Variants in STARD10 observed in about 807,000 individuals in gnomAD.
STARD10 encodes the protein StAR related lipid transfer domain containing 10, also known as START domain-containing protein 10.
A neutral mutation model predicts 36.0 loss-of-function variants in STARD10; 24 were observed. The ratio of observed to expected loss-of-function variants is 0.67; its 90% CI spans 0.48 to 0.94. The LOEUF (loss-of-function observed/expected upper bound fraction) is 0.94, where lower values mean the gene tolerates loss of function less well. Ranked by LOEUF, STARD10 falls within the 40% of genes least tolerant of loss-of-function variation. The pLI is 0.00. For missense variants in STARD10, 335 were observed against 396.6 expected, an observed-to-expected ratio of 0.84 and a Z score of 1.32; for synonymous variants, 156 against 161.9, an observed-to-expected ratio of 0.96 and a Z score of 0.28.
intron 3 of STARD10, among the ~76,000 whole-genome samples, 167 bp from the exon 4 acceptor site, chr11:72,758,800 G>A (rs748315433): frequency 4.6e-5 from 7 of 152,216 alleles, no homozygotes; most frequent in Non-Finnish European, 8.8e-5. Flanking sequence ...CCAGAAAAGA[G>A]ACAGGGCAAG....
At chr11:72,785,560 CAAAAAAAAAA>C (rs869274892) in intron 1 of STARD10, among the ~76,000 whole-genome samples, 4 of 41,534 alleles carry the variant, frequency 9.6e-5, no homozygotes, top group South Asian at 1.2e-3. Context: ...GGCTCTGTCT[CAAAAAAAAAA>C]AAAAAAAAAA....
chr11:72,792,647 T>A (rs917338458), intron 1 of STARD10, among the ~76,000 whole-genome samples: 4 of 152,146 alleles, frequency 2.6e-5, no homozygotes, highest in Non-Finnish European at 5.9e-5. Context: ...GAGTGGCTCC[T>A]AGACCTCAGC....
Position 72,759,228 on chromosome 11 carries a change from G to A in STARD10, c.355+6C>T. On this transcript the variant is annotated splice_donor_region_variant and intron_variant, in intron 3 of 6. Coordinates refer to ENST00000334805, the MANE Select transcript of STARD10 (RefSeq NM_006645.3). ...GGACTGGGATCAGCGTGCTACGCCT[G>A]CTCACAGGAGTAATAGCCCACGTCA... 1 of 1,613,932 alleles carries A rather than the reference G, an allele frequency of 6.2e-7. No individual in the cohort carries two copies. Among genetic ancestry groups the A allele is most frequent in the Non-Finnish European group, 8.5e-7 (1 of 1,179,940 alleles).
chr11:72,791,865 G>GTGTTT (rs751462554), intron 1 of STARD10, among the ~76,000 whole-genome samples: 273 of 151,724 alleles, frequency 1.8e-3, no homozygotes, highest in African/African-American at 4.3e-3. Flanking sequence ...TTTTGTTGTT[G>GTGTTT]TGTTTTGTTT....
chr11:72,774,293 A>C (rs1858902794), intron 2 of STARD10, among the ~76,000 whole-genome samples: 1 of 152,162 alleles, frequency 6.6e-6, no homozygotes, highest in Non-Finnish European at 1.5e-5. Flanking sequence ...GATTCCAGAG[A>C]AGCATCAGAG....
At chr11:72,766,829 A>T (rs1858798962) in intron 2 of STARD10, among the ~76,000 whole-genome samples, 1 of 152,200 alleles carries the variant, frequency 6.6e-6, no homozygotes, top group African/African-American at 2.4e-5. Context: ...AGACACACAC[A>T]CAGACAGGTG....
At chr11:72,775,285 G>A (rs550051356) in intron 2 of STARD10, among the ~76,000 whole-genome samples, 14 of 152,302 alleles carry the variant, frequency 9.2e-5, no homozygotes, top group African/African-American at 3.1e-4. Context: ...CTGGCTTTAA[G>A]GTGGGCCTTG....
Position 72,781,005 on chromosome 11 carries a change from C to T in STARD10, c.177G>A (p.Val59=), listed in dbSNP as rs1858986988. 6.2e-7 allele frequency: 1 copy of T among 1,614,092 alleles called. No individual in the cohort carries two copies. The highest frequency in any genetic ancestry group is 8.5e-7 in the Non-Finnish European group (1 of 1,180,042). Residue 59 remains valine (V), a synonymous_variant, in exon 2 of 7, where the codon GTG becomes GTA. Coordinates refer to ENST00000334805, the MANE Select transcript of STARD10 (RefSeq NM_006645.3). This position sits in a 1 kb window ranked among gnomAD's most constrained non-coding sequence, Gnocchi z 4.7. ...RAGVSVWVQA[V]EMDRTLHKIK... ...TCTTGTGCAGCGTCCGATCCATCTC[C>T]ACAGCCTGCACCCAGACAGACACCC...
At chr11:72,780,947 A>G in intron 2 of STARD10, 28 bp downstream of exon 2, 1 of 1,605,456 alleles carries the variant, frequency 6.2e-7, no homozygotes, top group Admixed American at 1.7e-5. Context: ...GGTGCAGTGG[A>G]GGCTGCAGGT....
intron 2 of STARD10, among the ~76,000 whole-genome samples, chr11:72,771,030 G>T (rs1249697613): frequency 1.3e-5 from 2 of 152,222 alleles, no homozygotes; most frequent in Non-Finnish European, 2.9e-5. Context: ...TAAGAGGTTG[G>T]TATAATAAAT....
At chr11:72,761,917 C>CTTTTCTTTTTT (rs1555023007) in intron 2 of STARD10, among the ~76,000 whole-genome samples, 2 of 37,478 alleles carry the variant, frequency 5.3e-5, no homozygotes, top group African/African-American at 1.2e-4. Flanking sequence ...CTTTTCTTTT[C>CTTTTCTTTTTT]TTTTTTTTTT....
At chr11:72,759,436 AG>A (rs1330529422) in intron 2 of STARD10, 55 bp from the exon 3 acceptor site, 13 of 1,604,162 alleles carry the variant, frequency 8.1e-6, no homozygotes, top group Non-Finnish European at 1.1e-5. Context: ...AGCCTTGGCC[AG>A]GGGACCAGAA....
intron 1 of STARD10, among the ~76,000 whole-genome samples, chr11:72,789,810 C>A (rs543451658): frequency 6.6e-5 from 10 of 152,326 alleles, no homozygotes; most frequent in Non-Finnish European, 1.5e-4. Flanking sequence ...GCACTGCTAT[C>A]TGGGGACTCC....
In STARD10 at chr11:72,788,170, T is replaced by TA. The variant is rs56696041; in HGVS notation, c.-114+4704dup. Among the ~76,000 whole-genome samples the TA allele has an allele frequency of 5.1e-3, 784 of 152,296 alleles. 6 individuals carry two copies. Among genetic ancestry groups the TA allele is most frequent in the African/African-American group, 0.017 (725 of 41,550 alleles). On this transcript the variant is annotated intron_variant, in intron 1 of 6. Coordinates refer to ENST00000334805, the MANE Select transcript of STARD10 (RefSeq NM_006645.3). ...GACCAGCTTCCATACCCAGGGACCATACGCTGGGACATTTGGGGTAGGGTC... is the reference window on the plus strand; with the variant it reads ...GACCAGCTTCCATACCCAGGGACCATAACGCTGGGACATTTGGGGTAGGGTC...
intron 1 of STARD10, among the ~76,000 whole-genome samples, chr11:72,786,708 T>C (rs563739984): frequency 1.8e-4 from 27 of 152,306 alleles, no homozygotes; most frequent in African/African-American, 5.5e-4. Flanking sequence ...GGGCCAGACC[T>C]ACACAGCTAC....
chr11:72,777,957 G>C (rs1449308242), intron 2 of STARD10, among the ~76,000 whole-genome samples: 2 of 152,166 alleles, frequency 1.3e-5, no homozygotes, highest in South Asian at 4.1e-4. Context: ...AGGGGGAAAG[G>C]GGGGCAGAAG....
intron 2 of STARD10, among the ~76,000 whole-genome samples, chr11:72,764,542 TGTCCACAG>T (rs1356735977): frequency 1.3e-5 from 2 of 152,222 alleles, no homozygotes; most frequent in Non-Finnish European, 2.9e-5. Flanking sequence ...GTCAGGTAAG[TGTCCACAG>T]GCCTCCCTAG....
intron 2 of STARD10, among the ~76,000 whole-genome samples, chr11:72,771,532 T>C (rs1057116730): frequency 5.9e-5 from 9 of 152,156 alleles, no homozygotes; most frequent in Admixed American, 3.3e-4. Context: ...CCTGAGACTG[T>C]AGTGGAGAGT....
At chr11:72,778,927 A>C (rs1437491517) in intron 2 of STARD10, among the ~76,000 whole-genome samples, 2 of 152,264 alleles carry the variant, frequency 1.3e-5, no homozygotes, top group Non-Finnish European at 2.9e-5. Flanking sequence ...CAGTTTTTCC[A>C]AGTCCCCGCC....
Sources: gnomAD v4.1 joint callset for allele counts (sites outside exome capture counted in the v4.1 genomes callset) on GRCh38, gnomAD v4.1.1 for gene constraint, Gnocchi (gnomAD v3.1) non-coding constraint, MANE v1.5 for transcripts, NCBI Gene and HGNC (gene_info 2026-07-23, HGNC 2026-07-21) for gene names.